Variants in CDK17 observed in about 807,000 individuals in gnomAD.
CDK17 encodes the protein cyclin dependent kinase 17.
CDK17 carries 24 observed loss-of-function variants against 77.6 expected under a neutral mutation model. That is an observed-to-expected ratio of 0.31 (90% CI 0.22 to 0.44). The LOEUF is 0.44. CDK17 is among the 20% of genes least tolerant of loss of function. CDK17 has a pLI of 1.00. For synonymous variants in CDK17, 203 were observed against 210.4 expected (o/e 0.96, Z 0.30); for missense variants, 429 against 622.5 (o/e 0.69, Z 3.31).
intron 11 of CDK17, 146 bp downstream of exon 11, chr12:96,289,021 T>TA: frequency 1.4e-6 from 1 of 739,670 alleles, no homozygotes; most frequent in South Asian, 2.3e-5. Context: ...GTAATCTAAT[T>TA]CCCATGCCAG....
At chr12:96,318,486 C>T (rs1376129230) in intron 3 of CDK17, among the ~76,000 whole-genome samples, 4 of 136,944 alleles carry the variant, frequency 2.9e-5, no homozygotes, top group African/African-American at 8.2e-5. Context: ...CCCAAATCAA[C>T]AGAATATACA....
intron 3 of CDK17, among the ~76,000 whole-genome samples, 188 bp downstream of exon 3, chr12:96,323,760 T>C (rs1411614351): frequency 6.6e-6 from 1 of 152,204 alleles, no homozygotes; most frequent in Non-Finnish European, 1.5e-5. Context: ...TTTTCAAATA[T>C]TACTTCCCTG....
intron 1 of CDK17, chr12:96,399,296 C>T (rs1021544001): frequency 6.6e-6 from 1 of 152,488 alleles, no homozygotes; most frequent in African/African-American, 2.4e-5. Flanking sequence ...CCTCCTCCCC[C>T]CATTTTCCCC....
intron 1 of CDK17, among the ~76,000 whole-genome samples, chr12:96,377,695 G>GTTT (rs374797342): frequency 1.0e-4 from 13 of 123,844 alleles, no homozygotes; most frequent in African/African-American, 2.1e-4. Flanking sequence ...TTTTTTTTTC[G>GTTT]TTTTTTTTTT....
intron 1 of CDK17, among the ~76,000 whole-genome samples, chr12:96,362,228 TTTC>T (rs1310070976): frequency 1.8e-4 from 28 of 152,156 alleles, no homozygotes; most frequent in African/African-American, 6.8e-4. Flanking sequence ...TGATTTTTTT[TTTC>T]TTTTTTTGAG....
At chr12:96,394,608 AG>A (rs1406262713) in intron 1 of CDK17, among the ~76,000 whole-genome samples, 1 of 151,990 alleles carries the variant, frequency 6.6e-6, no homozygotes, top group African/African-American at 2.4e-5. Context: ...TGAGGTCAGG[AG>A]TTCGAGACCA....
At chr12:96,327,046 T>C (rs932579686) in intron 2 of CDK17, among the ~76,000 whole-genome samples, 1 of 152,188 alleles carries the variant, frequency 6.6e-6, no homozygotes, top group Non-Finnish European at 1.5e-5. Context: ...GAGAGATCTA[T>C]TGTCATGATG....
At chr12:96,383,970 A>C (rs181679154) in intron 1 of CDK17, among the ~76,000 whole-genome samples, 3 of 152,300 alleles carry the variant, frequency 2.0e-5, no homozygotes, top group East Asian at 1.9e-4. Flanking sequence ...GAGTATACAG[A>C]CAGCCTTCAG....
intron 11 of CDK17, among the ~76,000 whole-genome samples, chr12:96,287,875 G>A (rs1952267058): frequency 6.6e-6 from 1 of 152,112 alleles, no homozygotes; most frequent in South Asian, 2.1e-4. Flanking sequence ...CAACGTGAAT[G>A]AACCTTAAAG....
At chr12:96,380,488 G>A (rs1422185458) in intron 1 of CDK17, among the ~76,000 whole-genome samples, 2 of 151,864 alleles carry the variant, frequency 1.3e-5, no homozygotes, top group African/African-American at 2.4e-5. Context: ...ACGGGGTTTC[G>A]CCATCTTGGC....
At chr12:96,381,320 T>C (rs1953875342) in intron 1 of CDK17, among the ~76,000 whole-genome samples, 1 of 151,786 alleles carries the variant, frequency 6.6e-6, no homozygotes, top group Non-Finnish European at 1.5e-5. Flanking sequence ...CTGTAAGTTT[T>C]GAGTTTACAT....
intron 1 of CDK17, among the ~76,000 whole-genome samples, chr12:96,374,358 C>G (rs1953745097): frequency 6.6e-6 from 1 of 152,152 alleles, no homozygotes; most frequent in South Asian, 2.1e-4. Context: ...AAATTAATCT[C>G]TGGGGCCAAC....
chr12:96,375,399 C>A (rs574856971), intron 1 of CDK17, among the ~76,000 whole-genome samples: 39 of 152,116 alleles, frequency 2.6e-4, no homozygotes, highest in African/African-American at 9.4e-4. Flanking sequence ...CCAGTGTGGC[C>A]TAAGTCCTGG....
intron 6 of CDK17, among the ~76,000 whole-genome samples, chr12:96,299,241 T>C (rs902729629): frequency 1.2e-4 from 19 of 152,228 alleles, no homozygotes. Flanking sequence ...ATATTTACTT[T>C]TTGTACCTTA....
At chr12:96,291,706 C>T (rs1160675065) in intron 10 of CDK17, among the ~76,000 whole-genome samples, 1 of 150,516 alleles carries the variant, frequency 6.6e-6, no homozygotes, top group Non-Finnish European at 1.5e-5. Flanking sequence ...GCAACCTCCG[C>T]CTCCCGGGTT....
chr12:96,318,456 A>AC, intron 3 of CDK17, among the ~76,000 whole-genome samples: 1 of 124,212 alleles, frequency 8.1e-6, no homozygotes, highest in South Asian at 3.5e-4. Context: ...GACCTAATAG[A>AC]CATCTACAGA....
Position 96,294,973 on chromosome 12 carries a change from T to C in CDK17, c.997+26A>G, listed in dbSNP as rs758672855. Reference sequence around the variant, plus strand: ...ATTACACTTTAGAACCTGGAAGTACTAATAAATATCTCATACATTCCATAC... The same window carrying C: ...ATTACACTTTAGAACCTGGAAGTACCAATAAATATCTCATACATTCCATAC... On this transcript the variant is annotated intron_variant, in intron 10 of 16. Transcript: ENST00000261211. The C allele has an allele frequency of 3.8e-6, 6 of 1,578,276 alleles. No homozygotes were observed. In the African/African-American group the frequency reaches 6.8e-5, roughly 18 times the overall value.
chr12:96,341,578 G>A (rs1254815812), intron 1 of CDK17, among the ~76,000 whole-genome samples: 5 of 152,176 alleles, frequency 3.3e-5, no homozygotes, highest in African/African-American at 9.6e-5. Context: ...ATCTTACTTC[G>A]CCTTGGGCTA....
In CDK17 at chr12:96,298,850, T is replaced by C. The variant is rs1291803196; in HGVS notation, c.715+19A>G. 7.7e-7 allele frequency: 1 copy of C among 1,299,846 alleles called. No homozygotes were observed. 80.5% of individuals were successfully genotyped at this position (1,299,846 alleles called of 1,614,324 possible). On this transcript the variant is annotated intron_variant, in intron 7 of 16. Coordinates refer to ENST00000261211, the MANE Select transcript of CDK17 (RefSeq NM_002595.5). ...ATTCCACCACTTTGATTTTAAAATG[T>C]TCTGTATAATTATTATACCTTCTCT...
Sources: allele counts gnomAD v4.1 joint callset (sites outside exome capture counted in the v4.1 genomes callset), GRCh38; gene constraint gnomAD v4.1.1; transcripts MANE v1.5; gene names NCBI Gene and HGNC (gene_info 2026-07-23, HGNC 2026-07-21).